The following PCSK2 variants were observed in gnomAD, a reference collection of about 807,000 sequenced individuals.
PCSK2 encodes the protein proprotein convertase subtilisin/kexin type 2, also known as neuroendocrine convertase 2.
PCSK2 carries 14 observed loss-of-function variants against 69.7 expected under a neutral mutation model. The ratio of observed to expected loss-of-function variants is 0.20; its 90% CI spans 0.13 to 0.31. PCSK2 has a LOEUF of 0.31. PCSK2 is among the 10% of genes least tolerant of loss of function. PCSK2 has a pLI of 1.00. For synonymous variants in PCSK2, 307 were observed against 320.7 expected (o/e 0.96, Z 0.46); for missense variants, 544 against 842.5 (o/e 0.65, Z 4.39).
At chr20:17,287,431 C>CTGTCTGTGTGTG (rs373403452) in intron 2 of PCSK2, among the ~76,000 whole-genome samples, 4 of 146,030 alleles carry the variant, frequency 2.7e-5, no homozygotes, top group African/African-American at 7.6e-5. Flanking sequence ...ATGTGCGTGT[C>CTGTCTGTGTGTG]TGTGTGTGTG....
At chr20:17,382,036 A>G (rs1408376652) in intron 5 of PCSK2, among the ~76,000 whole-genome samples, 1 of 152,206 alleles carries the variant, frequency 6.6e-6, no homozygotes, top group Non-Finnish European at 1.5e-5. Context: ...CAATGATCCT[A>G]TACTACATGG....
In PCSK2 at chr20:17,299,088, A is replaced by T. The variant is rs181444594; in HGVS notation, c.282+38744A>T. 2.9e-3 allele frequency among the ~76,000 whole-genome samples: 449 copies of T among 152,288 alleles called. 5 individuals are homozygous for T. The highest frequency in any genetic ancestry group is 0.023 in the Admixed American group (345 of 15,290). ...AGAAAGTTTAAAAGTTTATTTTTTT[A>T]AAATTTACCTCACTGTCTCTTCCTT... is the stretch of plus-strand genomic sequence containing the variant. On this transcript the variant is annotated intron_variant, in intron 2 of 11. Transcript: ENST00000262545.
At position 17,473,382 on chromosome 20, in the gene PCSK2, C is replaced by T. The variant is rs201299846; in HGVS notation, c.1430+7829C>T. ...CTGGGATTACAGGCGTGAGCCTCCG[C>T]GCCTGACCTAAGAACTCTTAAACCT... On this transcript the variant is annotated intron_variant, in intron 11 of 11. Coordinates refer to ENST00000262545, the MANE Select transcript of PCSK2 (RefSeq NM_002594.5). Among the ~76,000 whole-genome samples, 7 of 152,098 alleles carry T rather than the reference C, an allele frequency of 4.6e-5. No homozygotes were observed. The East Asian group carries it at 1.4e-3, about 29-fold the overall frequency.
chr20:17,370,792 C>T (rs918261749), intron 5 of PCSK2, among the ~76,000 whole-genome samples: 3 of 152,218 alleles, frequency 2.0e-5, no homozygotes, highest in Admixed American at 1.3e-4. Context: ...TTCACCTTTC[C>T]CTGCCTCCTC....
intron 2 of PCSK2, among the ~76,000 whole-genome samples, chr20:17,353,237 C>T (rs189287651): frequency 0.011 from 1,454 of 135,388 alleles, 22 homozygotes; most frequent in African/African-American, 0.038. Flanking sequence ...CCAAGGCGGG[C>T]GGATCACGAG....
chr20:17,301,362 G>A (rs1392535257), intron 2 of PCSK2, among the ~76,000 whole-genome samples: 1 of 152,180 alleles, frequency 6.6e-6, no homozygotes, highest in Non-Finnish European at 1.5e-5. Flanking sequence ...AGGCCCCTTG[G>A]AGGAGTTAGG....
chr20:17,275,112 T>TATATATATATATATATAA (rs1555783895), intron 2 of PCSK2, among the ~76,000 whole-genome samples: 3 of 135,250 alleles, frequency 2.2e-5, no homozygotes, highest in African/African-American at 8.1e-5. Flanking sequence ...TATATATATA[T>TATATATATATATATATAA]AATGTTGGGC....
At chr20:17,409,012 G>A (rs2031814043) in intron 5 of PCSK2, among the ~76,000 whole-genome samples, 1 of 152,180 alleles carries the variant, frequency 6.6e-6, no homozygotes, top group Non-Finnish European at 1.5e-5. Context: ...GAGAACACAG[G>A]GCTTACATTT....
intron 2 of PCSK2, among the ~76,000 whole-genome samples, chr20:17,339,349 G>A (rs538289488): frequency 3.3e-5 from 5 of 152,264 alleles, no homozygotes; most frequent in African/African-American, 4.8e-5. Flanking sequence ...GAGCCACCAC[G>A]TCCTGGGTTT....
Position 17,483,102 on chromosome 20 carries a change from T to G in PCSK2, c.*1032T>G, listed in dbSNP as rs1310261353. On this transcript the variant is annotated 3_prime_UTR_variant, in exon 12 of 12. Coordinates refer to ENST00000262545, the MANE Select transcript of PCSK2 (RefSeq NM_002594.5). ...CAAGTAATATAATGGAAGAGAAATCTCATACTCCCCCACAGTTTGATGTCA... is the reference window on the plus strand; with the variant it reads ...CAAGTAATATAATGGAAGAGAAATCGCATACTCCCCCACAGTTTGATGTCA... 2.0e-5 allele frequency: 3 copies of G among 151,830 alleles called. No homozygotes were observed. Among genetic ancestry groups the G allele is most frequent in the African/African-American group, 7.3e-5 (3 of 41,302 alleles). 9.4% of individuals were successfully genotyped at this position (151,830 alleles called of 1,614,324 possible).
At chr20:17,347,747 C>G (rs534759030) in intron 2 of PCSK2, among the ~76,000 whole-genome samples, 2 of 147,352 alleles carry the variant, frequency 1.4e-5, no homozygotes, top group East Asian at 2.0e-4. Flanking sequence ...GCCTTCTTCT[C>G]AATTTGCTGT....
At chr20:17,431,135 A>T (rs2032356773) in intron 7 of PCSK2, among the ~76,000 whole-genome samples, 1 of 152,032 alleles carries the variant, frequency 6.6e-6, no homozygotes, top group Non-Finnish European at 1.5e-5. Flanking sequence ...AGAGTGAGGG[A>T]GTTGGGGAAG....
At chr20:17,257,864 C>T (rs556715199) in intron 1 of PCSK2, among the ~76,000 whole-genome samples, 2 of 152,270 alleles carry the variant, frequency 1.3e-5, no homozygotes, top group East Asian at 3.9e-4. Context: ...CTTTGTAAAG[C>T]CTTCAATGGA....
intron 8 of PCSK2, among the ~76,000 whole-genome samples, chr20:17,446,730 A>T (rs576162439): frequency 6.6e-6 from 1 of 152,370 alleles, no homozygotes; most frequent in South Asian, 2.1e-4. Flanking sequence ...CGAGTGCAGA[A>T]AGGCAATATT....
At chr20:17,294,154 G>A (rs1457931108) in intron 2 of PCSK2, among the ~76,000 whole-genome samples, 2 of 142,810 alleles carry the variant, frequency 1.4e-5, no homozygotes, top group Admixed American at 7.4e-5. Flanking sequence ...GCCCAGGCCG[G>A]ATTGCAGTGG....
At chr20:17,455,897 G>A (rs2032910887) in intron 9 of PCSK2, among the ~76,000 whole-genome samples, 1 of 152,200 alleles carries the variant, frequency 6.6e-6, no homozygotes, top group Non-Finnish European at 1.5e-5. Flanking sequence ...GCATATGGAT[G>A]CTAAGTTTAT....
chr20:17,429,524 G>A lies in PCSK2; in HGVS notation c.709+1G>A. The A allele has an allele frequency of 6.2e-7, 1 of 1,607,766 alleles. No homozygotes were observed. The highest frequency in any genetic ancestry group is 8.5e-7 in the Non-Finnish European group (1 of 1,174,728). On this transcript the variant is annotated splice_donor_variant, in intron 7 of 11. Coordinates refer to ENST00000262545, the MANE Select transcript of PCSK2 (RefSeq NM_002594.5). LOFTEE classifies it high-confidence loss of function. ...GTAGCATACAACTCCAAGGTTGCAG[G>A]TAAGCCATCCCTGCCAAACAGAGGC...
At chr20:17,288,215 C>G (rs1988583630) in intron 2 of PCSK2, among the ~76,000 whole-genome samples, 1 of 152,210 alleles carries the variant, frequency 6.6e-6, no homozygotes, top group Admixed American at 6.5e-5. Context: ...CATGCAGCTT[C>G]CATCTAACCT....
intron 8 of PCSK2, among the ~76,000 whole-genome samples, chr20:17,447,767 G>A (rs184843802): frequency 2.1e-4 from 32 of 152,142 alleles, no homozygotes; most frequent in African/African-American, 6.5e-4. Flanking sequence ...AATAAATTGC[G>A]GAATGGCTAT....
Sources: gnomAD v4.1 joint callset for allele counts (sites outside exome capture counted in the v4.1 genomes callset) on GRCh38, gnomAD v4.1.1 for gene constraint, MANE v1.5 for transcripts, NCBI Gene and HGNC (gene_info 2026-07-23, HGNC 2026-07-21) for gene names.